The following ZNRF3 variants were observed in gnomAD, a reference collection of about 807,000 sequenced individuals.
ZNRF3 encodes zinc and ring finger 3, also known as E3 ubiquitin-protein ligase ZNRF3.
In ZNRF3, 23 loss-of-function variants were observed where a neutral mutation model predicts 72.5. That is an observed-to-expected ratio of 0.32 (90% CI 0.23 to 0.45). The LOEUF is 0.45. ZNRF3 is among the 20% of genes least tolerant of loss of function. The probability of loss-of-function intolerance (pLI) is 1.00; values close to 1 mark genes in which losing one functional copy is unlikely to be tolerated. For synonymous variants in ZNRF3, 610 were observed against 545.3 expected (o/e 1.12, Z -1.65); for missense variants, 1,169 against 1,272.1 (o/e 0.92, Z 1.23).
intron 2 of ZNRF3, among the ~76,000 whole-genome samples, chr22:29,016,722 C>T (rs1466785848): frequency 6.6e-6 from 1 of 152,214 alleles, no homozygotes; most frequent in Non-Finnish European, 1.5e-5. Flanking sequence ...GCTCAGAGAA[C>T]TGGCTTCTGT....
chr22:29,044,195 T>C (rs971356046), intron 4 of ZNRF3, among the ~76,000 whole-genome samples: 1 of 152,014 alleles, frequency 6.6e-6, no homozygotes, highest in African/African-American at 2.4e-5. Flanking sequence ...AGGTCCCAGA[T>C]AAGGTGGCTG....
At position 28,967,102 on chromosome 22, in the gene ZNRF3, G is replaced by A. The variant is rs375753061; in HGVS notation, c.301-19974G>A. Among the ~76,000 whole-genome samples the A allele has an allele frequency of 1.0e-3, 152 of 152,112 alleles. 3 individuals are homozygous for A. The South Asian group carries it at 0.022, about 22-fold the overall frequency. ...TCACCATGTTGGCTAGGCTGGTCTC[G>A]AACTCCTGACCTCAGGTGATCCACC... On this transcript the variant is annotated intron_variant, in intron 1 of 8. Transcript: ENST00000544604.
At chr22:29,052,045 G>T (rs2037217008) in intron 8 of ZNRF3, among the ~76,000 whole-genome samples, 1 of 152,142 alleles carries the variant, frequency 6.6e-6, no homozygotes, top group Admixed American at 6.5e-5. Flanking sequence ...CAAAAGACAT[G>T]TAAGATACAA....
intron 2 of ZNRF3, among the ~76,000 whole-genome samples, chr22:29,041,040 G>T (rs554186816): frequency 6.6e-6 from 1 of 152,120 alleles, no homozygotes; most frequent in Non-Finnish European, 1.5e-5. Flanking sequence ...CATCATTTGC[G>T]CGTCTTATAG....
chr22:29,014,324 A>G (rs1182944296), intron 2 of ZNRF3, among the ~76,000 whole-genome samples: 1 of 152,110 alleles, frequency 6.6e-6, no homozygotes, highest in Admixed American at 6.5e-5. Context: ...GAAGTCACTC[A>G]TTTATCCCCT....
intron 1 of ZNRF3, among the ~76,000 whole-genome samples, chr22:28,968,283 A>G (rs969227931): frequency 6.6e-6 from 1 of 152,206 alleles, no homozygotes; most frequent in Non-Finnish European, 1.5e-5. Context: ...TTTCTAGCAT[A>G]TATACATTAT....
chr22:28,953,617 A>T (rs908311535), intron 1 of ZNRF3, among the ~76,000 whole-genome samples: 1 of 152,338 alleles, frequency 6.6e-6, no homozygotes, highest in African/African-American at 2.4e-5. Context: ...CAGGGCTTCA[A>T]CTGAGCTTAG....
At chr22:28,936,382 C>T (rs1039178526) in intron 1 of ZNRF3, among the ~76,000 whole-genome samples, 3 of 152,176 alleles carry the variant, frequency 2.0e-5, no homozygotes, top group African/African-American at 7.2e-5. Flanking sequence ...CAGCATGCCA[C>T]CCTGTGTGGT....
intron 2 of ZNRF3, chr22:28,992,849 A>G (rs543297133): frequency 2.0e-5 from 3 of 152,342 alleles, no homozygotes; most frequent in Non-Finnish European, 4.4e-5. Flanking sequence ...CCCTGAACAC[A>G]GAGAGTGATT....
At chr22:28,974,793 A>C (rs1036261697) in intron 1 of ZNRF3, among the ~76,000 whole-genome samples, 8 of 152,148 alleles carry the variant, frequency 5.3e-5, no homozygotes, top group Non-Finnish European at 1.0e-4. Context: ...CCACAGGTGC[A>C]TGCCACCTAA....
chr22:28,917,391 A>G (rs973768031), intron 1 of ZNRF3: 38 of 985,296 alleles, frequency 3.9e-5, no homozygotes, highest in Non-Finnish European at 4.5e-5. Context: ...CCATCTGTGC[A>G]CAGAAGTTTG....
intron 1 of ZNRF3, among the ~76,000 whole-genome samples, chr22:28,940,109 C>A (rs1178327598): frequency 6.6e-6 from 1 of 152,190 alleles, no homozygotes; most frequent in African/African-American, 2.4e-5. Flanking sequence ...TCTTACCAGA[C>A]TGCCACAGGT....
intron 2 of ZNRF3, among the ~76,000 whole-genome samples, chr22:29,040,303 C>T (rs939283128): frequency 6.6e-6 from 1 of 152,040 alleles, no homozygotes; most frequent in East Asian, 1.9e-4. Flanking sequence ...CCTCAGCCTC[C>T]CGAGTAACTG....
At position 28,986,771 on chromosome 22, in the gene ZNRF3, A is replaced by T. The variant is rs4820793; in HGVS notation, c.301-305A>T. 3,632 of 584,922 alleles carry T rather than the reference A, an allele frequency of 6.2e-3. 65 individuals are homozygous for T. The highest frequency in any genetic ancestry group is 0.056 in the East Asian group (392 of 7,030). The allele number at this position is 584,922 out of a possible 1,614,324, so 36.2% of individuals were successfully genotyped here. On this transcript the variant is annotated intron_variant, in intron 1 of 8. Coordinates refer to ENST00000544604, the MANE Select transcript of ZNRF3 (RefSeq NM_001206998.2). Reference sequence around the variant, plus strand: ...TTCACAGCAATTTAGATTGGCATTTATATGGGAATTGTGCTGTTTTCTTTC... The same window carrying T: ...TTCACAGCAATTTAGATTGGCATTTTTATGGGAATTGTGCTGTTTTCTTTC...
At chr22:28,918,074 G>C (rs2034440374) in intron 1 of ZNRF3, among the ~76,000 whole-genome samples, 1 of 152,208 alleles carries the variant, frequency 6.6e-6, no homozygotes, top group Non-Finnish European at 1.5e-5. Flanking sequence ...CTGAAGTCCT[G>C]CCTTTCTGTA....
At chr22:28,944,027 GAA>G (rs1027722950) in intron 1 of ZNRF3, among the ~76,000 whole-genome samples, 220 of 123,212 alleles carry the variant, frequency 1.8e-3, no homozygotes, top group African/African-American at 6.0e-3. Context: ...GGCCAAAAAG[GAA>G]AAAAAAAAAA....
At chr22:28,986,338 T>A (rs532259237) in intron 1 of ZNRF3, among the ~76,000 whole-genome samples, 18 of 152,348 alleles carry the variant, frequency 1.2e-4, no homozygotes, top group Admixed American at 7.2e-4. Flanking sequence ...GTTATGTTTA[T>A]CCCTGAGGAT....
At chr22:28,962,910 G>C (rs960904520) in intron 1 of ZNRF3, among the ~76,000 whole-genome samples, 1 of 152,152 alleles carries the variant, frequency 6.6e-6, no homozygotes, top group Non-Finnish European at 1.5e-5. Flanking sequence ...GCCGTTTTAT[G>C]CACAGTGGCT....
rs777715115 is a variant in ZNRF3, at chr22:29,050,059, C to T, written c.1878C>T (p.Gly626=). 1 of 1,607,158 alleles carries T rather than the reference C, an allele frequency of 6.2e-7. No homozygotes were observed. Among genetic ancestry groups the T allele is most frequent in the Non-Finnish European group, 8.5e-7 (1 of 1,177,318 alleles). The change falls in exon 8 of 9, where the codon GGC becomes GGT. Residue 626 remains glycine, a synonymous_variant. Transcript: ENST00000544604. ...GGGGACCTGCCCTGTGCTTCGAGGG[C>T]TCCCCGCCTCCCGAGGAGCTCCCGG... ...SGRGPALCFE[G]SPPPEELPAV...
Sources: gnomAD v4.1 joint callset for allele counts (sites outside exome capture counted in the v4.1 genomes callset) on GRCh38, gnomAD v4.1.1 for gene constraint, MANE v1.5 for transcripts, NCBI Gene and HGNC (gene_info 2026-07-23, HGNC 2026-07-21) for gene names.